The following L2HGDH variants were observed in gnomAD, a reference collection of about 807,000 sequenced individuals.
The protein encoded by L2HGDH is L-2-hydroxyglutarate dehydrogenase, mitochondrial.
Under a neutral mutation model 51.5 loss-of-function variants are expected in L2HGDH, and 34 were observed. That is an observed-to-expected ratio of 0.66 (90% CI 0.50 to 0.88). The LOEUF (loss-of-function observed/expected upper bound fraction) is 0.88, where lower values mean the gene tolerates loss of function less well. Ranked by LOEUF, L2HGDH falls within the 40% of genes least tolerant of loss-of-function variation. The pLI, the probability that L2HGDH is intolerant of heterozygous loss-of-function variation, is 0.00. For synonymous variants in L2HGDH, 198 were observed against 197.9 expected (o/e 1.00, Z -0.01); for missense variants, 558 against 571.9 (o/e 0.98, Z 0.25).
At chr14:50,302,763 G>T in intron 2 of L2HGDH, 139 bp downstream of exon 2, 1 of 711,388 alleles carries the variant, frequency 1.4e-6, no homozygotes, top group African/African-American at 1.7e-5. Flanking sequence ...ATAACCTATA[G>T]CCATGTCCTT....
intron 1 of L2HGDH, among the ~76,000 whole-genome samples, chr14:50,305,643 C>T (rs2139222964): frequency 6.6e-6 from 1 of 152,226 alleles, no homozygotes; most frequent in Admixed American, 6.5e-5. Flanking sequence ...TTTTATTTTT[C>T]AAAACCTCTA....
In L2HGDH at chr14:50,280,038, C is replaced by A. The variant is rs1302145508; in HGVS notation, c.704-1484G>T. Reference sequence around the variant, plus strand: ...TCGTGCCATTGCACTCCAGCCTGGGCAATAGGGTGAGACTCCGTCTCAAAA... The same window carrying A: ...TCGTGCCATTGCACTCCAGCCTGGGAAATAGGGTGAGACTCCGTCTCAAAA... On this transcript the variant is annotated intron_variant, in intron 5 of 9. Coordinates refer to ENST00000267436, the MANE Select transcript of L2HGDH (RefSeq NM_024884.3). Among the ~76,000 whole-genome samples the A allele has an allele frequency of 1.7e-4, 23 of 135,058 alleles. No individual in the cohort carries two copies. In the South Asian group the frequency reaches 5.0e-3, roughly 30 times the overall value. The allele number at this position is 135,058 out of a possible 152,430, so 88.6% of individuals were successfully genotyped here.
intron 5 of L2HGDH, among the ~76,000 whole-genome samples, chr14:50,279,897 C>T (rs1566522340): frequency 1.3e-5 from 2 of 151,612 alleles, no homozygotes; most frequent in East Asian, 2.0e-4. Flanking sequence ...CCCATCTCTA[C>T]CAAAAATACA....
At position 50,245,370 on chromosome 14, in the gene L2HGDH, A is replaced by G. The variant is rs1748557228; in HGVS notation, c.*1688T>C. The G allele has an allele frequency of 6.1e-6, 6 of 985,444 alleles. No homozygotes were observed. Among genetic ancestry groups the G allele is most frequent in the Non-Finnish European group, 7.2e-6 (6 of 829,928 alleles). The allele number at this position is 985,444 out of a possible 1,614,324, so 61.0% of individuals were successfully genotyped here. On this transcript the variant is annotated 3_prime_UTR_variant, in exon 10 of 10. Coordinates refer to ENST00000267436, the MANE Select transcript of L2HGDH (RefSeq NM_024884.3). ...TCTCTTCTAAGTTATTTCAGTTCTC[A>G]GCCACAGAGATTGAAGAACAGGACA...
Position 50,245,519 on chromosome 14 carries a change from T to G in L2HGDH, c.*1539A>C. 2.0e-5 allele frequency: 19 copies of G among 971,782 alleles called. No individual in the cohort carries two copies. The highest frequency in any genetic ancestry group is 2.3e-5 in the Non-Finnish European group (19 of 817,512). The allele number at this position is 971,782 out of a possible 1,614,324, so 60.2% of individuals were successfully genotyped here. On this transcript the variant is annotated 3_prime_UTR_variant, in exon 10 of 10. Coordinates refer to ENST00000267436, the MANE Select transcript of L2HGDH (RefSeq NM_024884.3). Reference sequence around the variant, plus strand: ...TTTCCTACAAATATTATAATTAAGATAGAAACTTATTCAAACTACTCAAAA... The same window carrying G: ...TTTCCTACAAATATTATAATTAAGAGAGAAACTTATTCAAACTACTCAAAA...
At chr14:50,251,747 C>T (rs1888364331) in intron 9 of L2HGDH, among the ~76,000 whole-genome samples, 1 of 152,048 alleles carries the variant, frequency 6.6e-6, no homozygotes, top group Admixed American at 6.6e-5. Flanking sequence ...GGAAAAAACC[C>T]TTTTACTCTA....
chr14:50,252,683 G>A (rs1294770594), intron 9 of L2HGDH, among the ~76,000 whole-genome samples: 1 of 152,044 alleles, frequency 6.6e-6, no homozygotes, highest in Non-Finnish European at 1.5e-5. Flanking sequence ...ACTGTAAGAA[G>A]AGACAAAGAA....
chr14:50,287,308 A>AT, intron 4 of L2HGDH: 3 of 984,732 alleles, frequency 3.0e-6, no homozygotes, highest in Non-Finnish European at 3.6e-6. Context: ...TCCTGTTCCG[A>AT]TTTTTTCTCT....
chr14:50,265,338 T>G lies in L2HGDH; in HGVS notation c.1196+20A>C, dbSNP rs892740235. On this transcript the variant is annotated intron_variant, in intron 9 of 9. Transcript: ENST00000267436. ...ACATAGGTCAGGACTGTATTTACAC[T>G]CCTTATCCCTTTTCCTTACCTAAGT... The G allele has an allele frequency of 1.9e-6, 3 of 1,603,872 alleles. No homozygotes were observed. Among genetic ancestry groups the G allele is most frequent in the Admixed American group, 3.3e-5 (2 of 60,000 alleles).
intron 4 of L2HGDH, among the ~76,000 whole-genome samples, chr14:50,288,928 T>A (rs1890713953): frequency 6.6e-6 from 1 of 152,222 alleles, no homozygotes; most frequent in African/African-American, 2.4e-5. Flanking sequence ...TCTTTAAATC[T>A]GTTGTAATTT....
chr14:50,246,974 C>T lies in L2HGDH; in HGVS notation c.*84G>A. On this transcript the variant is annotated 3_prime_UTR_variant, in exon 10 of 10. Transcript: ENST00000267436. ...TGACCTAAAAACTAAAGTTTAAAAACCATTTTTTAAATTAAAGAATGCAAT... is the reference window on the plus strand; with the variant it reads ...TGACCTAAAAACTAAAGTTTAAAAATCATTTTTTAAATTAAAGAATGCAAT... The T allele has an allele frequency of 3.3e-6, 5 of 1,501,874 alleles. No individual in the cohort carries two copies. The South Asian group carries it at 3.8e-5, about 11-fold the overall frequency. The allele number at this position is 1,501,874 out of a possible 1,614,324, so 93.0% of individuals were successfully genotyped here. A position where few individuals can be genotyped will look rare whatever the true frequency, so the allele number is the denominator to read the frequency against.
rs1887930316 is a variant in L2HGDH, at chr14:50,244,863, A to AG, written c.*2194dup. 1 of 985,502 alleles carries AG rather than the reference A, an allele frequency of 1.0e-6. No homozygotes were observed. The highest frequency in any genetic ancestry group is 1.7e-5 in the African/African-American group (1 of 57,382). 61.0% of individuals were successfully genotyped at this position (985,502 alleles called of 1,614,324 possible). On this transcript the variant is annotated 3_prime_UTR_variant, in exon 10 of 10. Transcript: ENST00000267436. ...AGCTAAGAGGAAAGAAGACATACAC[A>AG]GTAGAAGATGAATCCTGAGAGAGCA...
chr14:50,247,297 G>A (rs1381901993), intron 9 of L2HGDH, 44 bp from the exon 10 acceptor site: 1 of 1,596,802 alleles, frequency 6.3e-7, no homozygotes, highest in South Asian at 1.1e-5. Context: ...AAAGACATAG[G>A]ATACTTTACA....
intron 3 of L2HGDH, among the ~76,000 whole-genome samples, chr14:50,299,063 T>C (rs1000994586): frequency 2.6e-4 from 39 of 151,908 alleles, no homozygotes; most frequent in Admixed American, 6.6e-5. Flanking sequence ...AAAGGATAAA[T>C]AGAATTGACA....
chr14:50,305,545 C>T (rs904346476), intron 1 of L2HGDH, among the ~76,000 whole-genome samples: 4 of 152,210 alleles, frequency 2.6e-5, no homozygotes, highest in African/African-American at 9.6e-5. Flanking sequence ...TGACCCTTTA[C>T]ACAACTTTCA....
chr14:50,250,749 A>G (rs1457145127), intron 9 of L2HGDH, among the ~76,000 whole-genome samples: 1 of 152,220 alleles, frequency 6.6e-6, no homozygotes, highest in Admixed American at 6.5e-5. Context: ...GGAAAAGAAC[A>G]AGAGTCTCTG....
intron 5 of L2HGDH, chr14:50,282,379 T>A (rs992002734): frequency 4.5e-6 from 2 of 449,158 alleles, no homozygotes; most frequent in African/African-American, 2.0e-5. Context: ...CTTCCTGTTG[T>A]GCTTCATAGC....
chr14:50,282,512 G>A (rs778085248), intron 5 of L2HGDH: 6 of 455,920 alleles, frequency 1.3e-5, no homozygotes, highest in South Asian at 4.6e-5. Context: ...CAGCTTGTGG[G>A]GAACATAGTG....
intron 4 of L2HGDH, among the ~76,000 whole-genome samples, chr14:50,291,223 A>C (rs939408704): frequency 1.3e-5 from 2 of 149,512 alleles, no homozygotes; most frequent in Non-Finnish European, 3.0e-5. Context: ...AAAAAAAAAA[A>C]ACAAACAAAA....
Sources: allele counts gnomAD v4.1 joint callset (sites outside exome capture counted in the v4.1 genomes callset), GRCh38; gene constraint gnomAD v4.1.1; transcripts MANE v1.5; gene names NCBI Gene and HGNC (gene_info 2026-07-23, HGNC 2026-07-21).